The following VRK2 variants were observed in gnomAD, a reference collection of about 807,000 sequenced individuals.
VRK2 encodes VRK serine/threonine kinase 2.
A neutral mutation model predicts 57.6 loss-of-function variants in VRK2; 60 were observed. That is an observed-to-expected ratio of 1.04 (90% CI 0.85 to 1.29). The LOEUF (loss-of-function observed/expected upper bound fraction) is 1.29. Among genes scored for constraint, VRK2 ranks in the 50% most tolerant of loss-of-function variants. The pLI is 0.00. For synonymous variants in VRK2, 231 were observed against 199.2 expected, an observed-to-expected ratio of 1.16 and a Z score of -1.35; for missense variants, 705 against 588.1, an observed-to-expected ratio of 1.20 and a Z score of -2.06.
intron 1 of VRK2, among the ~76,000 whole-genome samples, chr2:57,914,892 C>T (rs1670098965): frequency 6.6e-6 from 1 of 152,032 alleles, no homozygotes; most frequent in Non-Finnish European, 1.5e-5. Flanking sequence ...TCCATAACAA[C>T]ATTTAAATAC....
At chr2:58,141,835 A>G (rs1223979939) in intron 11 of VRK2, among the ~76,000 whole-genome samples, 1 of 151,992 alleles carries the variant, frequency 6.6e-6, no homozygotes, top group Admixed American at 6.6e-5. Context: ...TGATGCACGT[A>G]TAGGATGATT....
intron 1 of VRK2, among the ~76,000 whole-genome samples, chr2:57,976,125 T>C (rs1201443511): frequency 6.6e-6 from 1 of 152,174 alleles, no homozygotes; most frequent in Non-Finnish European, 1.5e-5. Flanking sequence ...TAGTATTCCA[T>C]GGTGTATATG....
intron 1 of VRK2, among the ~76,000 whole-genome samples, chr2:57,924,408 T>C (rs866548465): frequency 1.3e-5 from 2 of 152,060 alleles, no homozygotes; most frequent in South Asian, 2.1e-4. Context: ...CATCAGTGTT[T>C]TATAGTTTTC....
chr2:57,992,562 C>T (rs973932444), intron 1 of VRK2, among the ~76,000 whole-genome samples: 2 of 152,074 alleles, frequency 1.3e-5, no homozygotes, highest in Non-Finnish European at 2.9e-5. Context: ...CGGAGTCTCG[C>T]TCTGTCGCCC....
chr2:57,908,912 G>A (rs1669906421), intron 1 of VRK2, among the ~76,000 whole-genome samples: 1 of 152,014 alleles, frequency 6.6e-6, no homozygotes, highest in African/African-American at 2.4e-5. Context: ...ATATTAGAAA[G>A]AAAACAAAAC....
chr2:58,154,665 G>GGGTCTTTAAATTTTAAAGC, intron 12 of VRK2: 3 of 705,952 alleles, frequency 4.2e-6, no homozygotes, highest in Non-Finnish European at 7.9e-6. Context: ...CCATTTAAAG[G>GGGTCTTTAAATTTTAAAGC]GGTCTTTAAA....
chr2:57,950,107 G>C (rs1420202116), intron 1 of VRK2, among the ~76,000 whole-genome samples: 1 of 152,232 alleles, frequency 6.6e-6, no homozygotes, highest in Non-Finnish European at 1.5e-5. Flanking sequence ...AAAAGTGCAA[G>C]ATGAAGTAGC....
At chr2:57,970,227 T>C (rs564893483) in intron 1 of VRK2, among the ~76,000 whole-genome samples, 4 of 149,700 alleles carry the variant, frequency 2.7e-5, no homozygotes, top group African/African-American at 9.7e-5. Context: ...TATACACATA[T>C]ATATTCACAT....
chr2:58,034,515 A>G (rs1343833627), intron 3 of VRK2, among the ~76,000 whole-genome samples: 1 of 151,976 alleles, frequency 6.6e-6, no homozygotes. Flanking sequence ...TTATTTAACA[A>G]CTGTTCCTTC....
intron 1 of VRK2, among the ~76,000 whole-genome samples, chr2:57,994,678 A>T (rs1672871861): frequency 6.6e-6 from 1 of 152,180 alleles, no homozygotes; most frequent in African/African-American, 2.4e-5. Context: ...CATAAAAATT[A>T]TTAAAGATCC....
intron 1 of VRK2, among the ~76,000 whole-genome samples, chr2:58,022,181 T>C (rs949396172): frequency 6.6e-5 from 10 of 152,226 alleles, no homozygotes; most frequent in African/African-American, 2.4e-4. Flanking sequence ...CAAAATAGTG[T>C]CAGTGCCTTT....
chr2:58,047,467 G>A (rs1371357516), intron 1 of VRK2: 10 of 985,270 alleles, frequency 1.0e-5, no homozygotes, highest in Admixed American at 1.2e-4. Context: ...CTCGCCCCCA[G>A]GATGTACATT....
At chr2:58,089,351 T>C (rs1440730583) in intron 6 of VRK2, among the ~76,000 whole-genome samples, 1 of 152,216 alleles carries the variant, frequency 6.6e-6, no homozygotes, top group Non-Finnish European at 1.5e-5. Flanking sequence ...GCGGTTTGGC[T>C]ACTGGGCTAT....
intron 7 of VRK2, among the ~76,000 whole-genome samples, chr2:58,113,597 G>C (rs1030872213): frequency 6.6e-6 from 1 of 152,178 alleles, no homozygotes; most frequent in African/African-American, 2.4e-5. Context: ...GAAAATTACA[G>C]TCAAAGGGGG....
chr2:58,151,731 G>GTTTTTTTTTTTGTTTTTTTTTTTTT (rs1683072332), intron 12 of VRK2, among the ~76,000 whole-genome samples: 4 of 16,722 alleles, frequency 2.4e-4, no homozygotes, highest in Non-Finnish European at 4.5e-4. Flanking sequence ...TTCTATGCTT[G>GTTTTTTTTTTTGTTTTTTTTTTTTT]TTTTTTTTTT....
At chr2:58,066,419 AATTT>A (rs1185523807) in intron 2 of VRK2, among the ~76,000 whole-genome samples, 1 of 152,086 alleles carries the variant, frequency 6.6e-6, no homozygotes, top group African/African-American at 2.4e-5. Flanking sequence ...TCCTCAAATT[AATTT>A]GATTATGGTG....
At chr2:57,926,030 T>C (rs560559636) in intron 1 of VRK2, among the ~76,000 whole-genome samples, 2 of 152,212 alleles carry the variant, frequency 1.3e-5, no homozygotes, top group East Asian at 1.9e-4. Context: ...CATGTGTTTT[T>C]ATAGTTAATA....
intron 7 of VRK2, among the ~76,000 whole-genome samples, chr2:58,122,232 T>C (rs984082933): frequency 2.6e-5 from 4 of 152,194 alleles, no homozygotes; most frequent in Admixed American, 6.5e-5. Context: ...TAAAGGAGAC[T>C]CATAACATTA....
chr2:58,046,864 GCCCGGTCAGT>G lies in VRK2; in HGVS notation c.-8_-6+7del. 1 of 985,456 alleles carries G rather than the reference GCCCGGTCAGT, an allele frequency of 1.0e-6. No homozygotes were observed. The highest frequency in any genetic ancestry group is 1.2e-6 in the Non-Finnish European group (1 of 829,930). 61.0% of individuals were successfully genotyped at this position (985,456 alleles called of 1,614,324 possible). ...CGGCCCGGCGACGGGGGATCCTGAG[GCCCGGTCAGT>G]CTCTTGCTCTGGGGTCTTGGGTGGC... On this transcript the variant is annotated splice_donor_variant and splice_donor_5th_base_variant and 5_prime_UTR_variant and intron_variant, in exon 1 of 13. Coordinates refer to ENST00000340157, the MANE Select transcript of VRK2 (RefSeq NM_006296.7). LOFTEE classifies it low-confidence loss of function (5UTR_SPLICE).
Sources: allele counts gnomAD v4.1 joint callset (sites outside exome capture counted in the v4.1 genomes callset), GRCh38; gene constraint gnomAD v4.1.1; transcripts MANE v1.5; gene names NCBI Gene and HGNC (gene_info 2026-07-23, HGNC 2026-07-21).